MEGF11: variants seen among roughly 807,000 people sequenced by gnomAD.
MEGF11 encodes multiple EGF like domains 11.
Under a neutral mutation model 146.6 loss-of-function variants are expected in MEGF11, and 126 were observed. The observed-to-expected ratio is 0.86, with a 90% CI of 0.74 to 1.00. MEGF11 has a LOEUF of 1.00. Ranked by LOEUF, MEGF11 falls within the 50% of genes least tolerant of loss-of-function variation. MEGF11 has a pLI of 0.00. For synonymous variants in MEGF11, 532 were observed against 583.4 expected, an observed-to-expected ratio of 0.91 and a Z score of 1.27; for missense variants, 1,509 against 1,521.2, an observed-to-expected ratio of 0.99 and a Z score of 0.13.
chr15:66,027,416 C>T (rs1285804397), intron 5 of MEGF11, among the ~76,000 whole-genome samples: 2 of 152,232 alleles, frequency 1.3e-5, no homozygotes, highest in African/African-American at 4.8e-5. Flanking sequence ...AGACAGGGGC[C>T]TATGATAAGG....
chr15:66,107,769 C>T (rs566030382), intron 4 of MEGF11, among the ~76,000 whole-genome samples: 69 of 152,274 alleles, frequency 4.5e-4, no homozygotes, highest in Middle Eastern at 3.4e-3. Flanking sequence ...TTTGGGTATC[C>T]CTTGAGTGTA....
chr15:66,249,685 C>T (rs2092344384), intron 1 of MEGF11, among the ~76,000 whole-genome samples: 1 of 152,184 alleles, frequency 6.6e-6, no homozygotes, highest in African/African-American at 2.4e-5. Context: ...TTCACTTTCC[C>T]TTGTTCTACC....
intron 1 of MEGF11, among the ~76,000 whole-genome samples, chr15:66,243,404 C>T (rs899008000): frequency 3.9e-5 from 6 of 152,232 alleles, no homozygotes; most frequent in African/African-American, 1.2e-4. Flanking sequence ...GAGGACTCAC[C>T]CGTCATCCCT....
chr15:65,933,327 C>T (rs2079645312), intron 10 of MEGF11, among the ~76,000 whole-genome samples: 1 of 152,226 alleles, frequency 6.6e-6, no homozygotes, highest in Admixed American at 6.5e-5. Flanking sequence ...ACAGCGTATG[C>T]CTTTCTCTTC....
chr15:66,076,714 G>A (rs2085603279), intron 5 of MEGF11, among the ~76,000 whole-genome samples: 1 of 152,186 alleles, frequency 6.6e-6, no homozygotes, highest in Non-Finnish European at 1.5e-5. Flanking sequence ...AAAGGCAGAG[G>A]GAGGTCAGGC....
intron 7 of MEGF11, among the ~76,000 whole-genome samples, chr15:65,971,472 G>A (rs1200031558): frequency 6.6e-6 from 1 of 152,208 alleles, no homozygotes; most frequent in Non-Finnish European, 1.5e-5. Context: ...AATTGTCCAA[G>A]TCTTTCAGAG....
At chr15:66,001,451 C>A (rs1057465308) in intron 5 of MEGF11, among the ~76,000 whole-genome samples, 1 of 152,178 alleles carries the variant, frequency 6.6e-6, no homozygotes, top group Non-Finnish European at 1.5e-5. Flanking sequence ...GATGCTGTCA[C>A]AGCCAAGCAT....
At chr15:65,974,398 C>T (rs1284193657) in intron 7 of MEGF11, among the ~76,000 whole-genome samples, 1 of 152,118 alleles carries the variant, frequency 6.6e-6, no homozygotes, top group African/African-American at 2.4e-5. Context: ...TGGCTCATGC[C>T]TGCAATCTCA....
chr15:65,930,784 C>T (rs766807743), intron 11 of MEGF11, 39 bp downstream of exon 11: 14 of 1,556,974 alleles, frequency 9.0e-6, no homozygotes, highest in African/African-American at 5.5e-5. Context: ...GGAATGTGCT[C>T]ATATGTCAGG....
intron 5 of MEGF11, among the ~76,000 whole-genome samples, chr15:65,992,450 T>TCTGTGG (rs1555459370): frequency 7.9e-6 from 1 of 126,554 alleles, no homozygotes; most frequent in Non-Finnish European, 1.6e-5. Context: ...TGTGTGTGTG[T>TCTGTGG]GGGGGGGGGG....
intron 24 of MEGF11, among the ~76,000 whole-genome samples, chr15:65,902,990 C>T (rs1442965320): frequency 6.6e-6 from 1 of 152,176 alleles, no homozygotes; most frequent in Non-Finnish European, 1.5e-5. Context: ...ACCCAGGCAC[C>T]GAATATCCAT....
At chr15:66,065,446 G>A (rs542263997) in intron 5 of MEGF11, among the ~76,000 whole-genome samples, 3 of 152,310 alleles carry the variant, frequency 2.0e-5, no homozygotes, top group East Asian at 3.9e-4. Flanking sequence ...TGCTCTGCAT[G>A]TCTGGATCTG....
intron 10 of MEGF11, among the ~76,000 whole-genome samples, chr15:65,938,896 C>A (rs2079881364): frequency 6.6e-6 from 1 of 152,140 alleles, no homozygotes; most frequent in Non-Finnish European, 1.5e-5. Flanking sequence ...AATTTTCTCC[C>A]CTGCAATATG....
chr15:66,033,801 A>AT lies in MEGF11; in HGVS notation c.395-51314dup, dbSNP rs1458323680. Among the ~76,000 whole-genome samples the AT allele has an allele frequency of 2.6e-5, 4 of 152,094 alleles. No individual in the cohort carries two copies. In the East Asian group the frequency reaches 5.8e-4, roughly 22 times the overall value. On this transcript the variant is annotated intron_variant, in intron 5 of 25. Coordinates refer to ENST00000395614, the MANE Select transcript of MEGF11 (RefSeq NM_001385028.1). ...TTATTTATTTTTATTTTTTATTTTT[A>AT]TTTTTTGTGAGACGGAGTCTCGCCC... is the stretch of plus-strand genomic sequence containing the variant.
At chr15:66,141,285 T>TGAGAGAGAGAGA (rs1194937112) in intron 1 of MEGF11, among the ~76,000 whole-genome samples, 1 of 86,718 alleles carries the variant, frequency 1.2e-5, no homozygotes. Flanking sequence ...TGTGTGTGTG[T>TGAGAGAGAGAGA]GTGTGAGAGA....
chr15:66,098,892 A>T (rs1468306878), intron 4 of MEGF11, among the ~76,000 whole-genome samples: 1 of 152,168 alleles, frequency 6.6e-6, no homozygotes, highest in Non-Finnish European at 1.5e-5. Context: ...AAAACACTTC[A>T]TCAGATGTGT....
chr15:66,198,369 C>T (rs986927362), intron 1 of MEGF11, among the ~76,000 whole-genome samples: 1 of 152,268 alleles, frequency 6.6e-6, no homozygotes, highest in Non-Finnish European at 1.5e-5. Flanking sequence ...CGCGCACAAA[C>T]CTCTTCAGTT....
Position 65,909,073 on chromosome 15 carries a change from G to A in MEGF11, c.2959C>T (p.Leu987Phe), listed in dbSNP as rs916746018. 100 of 1,535,692 alleles carry A rather than the reference G, an allele frequency of 6.5e-5. No individual in the cohort carries two copies. The highest frequency in any genetic ancestry group is 8.5e-5 in the Non-Finnish European group (97 of 1,146,786). ...TCAGCGGGGCGGCTGAGGTGTCTAA[G>A]TTCAATGTAGAAGTCCTCGGGCGGG... ...RYPPEDFYIE[L>F]RHLSRPAEPH... is the part of the protein sequence containing the mutation. Residue 987 changes from leucine (L) to phenylalanine (F), a missense_variant, in exon 23 of 26, where the codon CTT becomes TTT. Leu to Phe is a conservative substitution (Grantham distance 22). Transcript: ENST00000395614.
At chr15:65,944,430 G>A (rs1037125643) in intron 10 of MEGF11, among the ~76,000 whole-genome samples, 1 of 152,206 alleles carries the variant, frequency 6.6e-6, no homozygotes, top group African/African-American at 2.4e-5. Context: ...GAACAAAGGC[G>A]TGGCAGTGGG....
Sources: allele counts gnomAD v4.1 joint callset (sites outside exome capture counted in the v4.1 genomes callset), GRCh38; gene constraint gnomAD v4.1.1; transcripts MANE v1.5; gene names NCBI Gene and HGNC (gene_info 2026-07-23, HGNC 2026-07-21).